ZEB2: variants seen among roughly 807,000 people sequenced by gnomAD.
ZEB2 encodes the protein zinc finger E-box binding homeobox 2.
In ZEB2, 6 loss-of-function variants were observed where a neutral mutation model predicts 99.9. That is an observed-to-expected ratio of 0.06 (90% CI 0.03 to 0.12). ZEB2 has a LOEUF of 0.12. ZEB2 is among the 10% of genes least tolerant of loss of function. The probability of loss-of-function intolerance (pLI) is 1.00; values close to 1 mark genes in which losing one functional copy is unlikely to be tolerated. For missense variants in ZEB2, 969 were observed against 1,502.8 expected (o/e 0.64, Z 5.87); for synonymous variants, 517 against 542.5 (o/e 0.95, Z 0.65).
chr2:144,484,206 T>TGTGTGTGTGTGTGTGTGTGA (rs1704562039), intron 2 of ZEB2, among the ~76,000 whole-genome samples: 1 of 152,002 alleles, frequency 6.6e-6, no homozygotes, highest in East Asian at 1.9e-4. Flanking sequence ...TGTGTGTGTG[T>TGTGTGTGTGTGTGTGTGTGA]GTGTGTGAAA....
intron 2 of ZEB2, among the ~76,000 whole-genome samples, chr2:144,476,860 G>A (rs1022100934): frequency 1.3e-5 from 2 of 152,118 alleles, no homozygotes; most frequent in African/African-American, 2.4e-5. Flanking sequence ...TGCTGATTTC[G>A]CACTGCCTTG....
rs1705237077 is a variant in ZEB2 at position 144,519,856 on chromosome 2, T to C, written c.-70+83A>G. Reference sequence around the variant, plus strand: ...TTCAGACTCACATCCCCACTCAAAATGAGAAAATTAGAAAAGGAGGATGGA... The same window carrying C: ...TTCAGACTCACATCCCCACTCAAAACGAGAAAATTAGAAAAGGAGGATGGA... On this transcript the variant is annotated intron_variant, in intron 1 of 9. Transcript: ENST00000627532. 47 of 373,962 alleles carry C rather than the reference T, an allele frequency of 1.3e-4. 1 individual carries two copies. The highest frequency in any genetic ancestry group is 9.7e-4 in the South Asian group (47 of 48,656). 23.2% of individuals were successfully genotyped at this position (373,962 alleles called of 1,614,324 possible).
At position 144,384,595 on chromosome 2, in the gene ZEB2, G is replaced by A. The variant is rs1227529632; in HGVS notation, c.*4856C>T. 6.7e-6 allele frequency: 1 copy of A among 148,758 alleles called. No individual in the cohort carries two copies. The highest frequency in any genetic ancestry group is 6.7e-5 in the Admixed American group (1 of 14,870). The allele number at this position is 148,758 out of a possible 1,614,324, so 9.2% of individuals were successfully genotyped here. On this transcript the variant is annotated 3_prime_UTR_variant, in exon 10 of 10. Coordinates refer to ENST00000627532, the MANE Select transcript of ZEB2 (RefSeq NM_014795.4). The stretch of plus-strand genomic sequence containing the variant: ...TTTAGTATTGACATTTTTATTTTGG[G>A]AAAGGAGGTCTTTTTTTTTTTTAAC...
At position 144,388,978 on chromosome 2, in the gene ZEB2, C is replaced by T. The variant is rs1703118172; in HGVS notation, c.*473G>A. The T allele has an allele frequency of 6.9e-6, 3 of 435,954 alleles. No individual in the cohort carries two copies. The highest frequency in any genetic ancestry group is 2.1e-5 in the African/African-American group (1 of 47,248). The allele number at this position is 435,954 out of a possible 1,614,324, so 27.0% of individuals were successfully genotyped here. On this transcript the variant is annotated 3_prime_UTR_variant, in exon 10 of 10. Transcript: ENST00000627532. The surrounding 1 kb of genome is among the most constrained non-coding windows in gnomAD (Gnocchi z 5.4). Reference sequence around the variant, plus strand: ...ATTGATGAATAGCGAAAGGAAAGTACAGAGGAATCATAATACTGATGCATT... The same window carrying T: ...ATTGATGAATAGCGAAAGGAAAGTATAGAGGAATCATAATACTGATGCATT...
intron 2 of ZEB2, among the ~76,000 whole-genome samples, chr2:144,457,040 T>G (rs7599224): frequency 0.48 from 72,451 of 151,972 alleles, 17,511 homozygotes; most frequent in South Asian, 0.6. Flanking sequence ...TCTGGCAAGA[T>G]AAATGCATAT....
intron 2 of ZEB2, among the ~76,000 whole-genome samples, chr2:144,475,331 C>T (rs1704415760): frequency 6.6e-6 from 1 of 152,176 alleles, no homozygotes; most frequent in Non-Finnish European, 1.5e-5. Flanking sequence ...ATGCAGCTCA[C>T]ATGTAACTGC....
At chr2:144,473,046 G>A (rs1704380676) in intron 2 of ZEB2, among the ~76,000 whole-genome samples, 1 of 152,206 alleles carries the variant, frequency 6.6e-6, no homozygotes, top group Non-Finnish European at 1.5e-5. Flanking sequence ...ATGTGAATGT[G>A]GTGGGAGAGG....
chr2:144,406,561 G>A (rs1161856997), intron 4 of ZEB2, among the ~76,000 whole-genome samples: 1 of 152,062 alleles, frequency 6.6e-6, no homozygotes, highest in African/African-American at 2.4e-5. Context: ...AACAAGCATG[G>A]GACATCTCAG....
intron 2 of ZEB2, among the ~76,000 whole-genome samples, chr2:144,434,263 A>G (rs1703809470): frequency 6.6e-6 from 1 of 152,182 alleles, no homozygotes; most frequent in African/African-American, 2.4e-5. Context: ...GTGCCAATAA[A>G]TCGTTCAATG....
rs1357941999 is a variant in ZEB2, at chr2:144,465,189, C to T, written c.74-35163G>A. The stretch of plus-strand genomic sequence containing the variant: ...GTGCTATTATACAACTCAATCATAA[C>T]TCTTTATATGTTGTAGTGTAACTGT... On this transcript the variant is annotated intron_variant, in intron 2 of 9. Coordinates refer to ENST00000627532, the MANE Select transcript of ZEB2 (RefSeq NM_014795.4). 4.6e-5 allele frequency among the ~76,000 whole-genome samples: 7 copies of T among 152,290 alleles called. No homozygotes were observed. In the South Asian group the frequency reaches 1.2e-3, roughly 27 times the overall value.
At chr2:144,396,795 T>C (rs566207620) in intron 8 of ZEB2, among the ~76,000 whole-genome samples, 1 of 152,332 alleles carries the variant, frequency 6.6e-6, no homozygotes, top group Admixed American at 6.5e-5. Flanking sequence ...TAAACTTCTC[T>C]GCCCTGGAAG....
chr2:144,397,026 T>C (rs546410811), intron 8 of ZEB2, among the ~76,000 whole-genome samples: 9 of 152,206 alleles, frequency 5.9e-5, no homozygotes, highest in Non-Finnish European at 1.3e-4. Context: ...CAAAATGTTA[T>C]TATTATGCAA....
rs1704950625 is a variant in ZEB2 at position 144,506,361 on chromosome 2, G to C, written c.73+10917C>G. Among the ~76,000 whole-genome samples, 6 of 152,184 alleles carry C rather than the reference G, an allele frequency of 3.9e-5. No homozygotes were observed. In the South Asian group the frequency reaches 1.2e-3, roughly 31 times the overall value. ...TCAAATTCCCATCAGCAGAGCAAAGGTGATGGGAAATCTTTAGAGGACAAC... is the reference window on the plus strand; with the variant it reads ...TCAAATTCCCATCAGCAGAGCAAAGCTGATGGGAAATCTTTAGAGGACAAC... On this transcript the variant is annotated intron_variant, in intron 2 of 9. Transcript: ENST00000627532.
chr2:144,500,392 AT>A (rs1463560548), intron 2 of ZEB2, among the ~76,000 whole-genome samples: 2 of 152,116 alleles, frequency 1.3e-5, no homozygotes, highest in Non-Finnish European at 2.9e-5. Flanking sequence ...TAACTGTACA[AT>A]TTTTTTCTAT....
intron 9 of ZEB2, 71 bp downstream of exon 9, chr2:144,396,341 G>T: frequency 1.3e-6 from 2 of 1,552,706 alleles, no homozygotes; most frequent in Non-Finnish European, 8.9e-7. Flanking sequence ...TTGCACAAGT[G>T]TGCTCATTAA....
In ZEB2 at chr2:144,389,691, C is replaced by T; in HGVS notation, c.3405G>A (p.Glu1135=). The change falls in exon 10 of 10, where the codon GAG becomes GAA. Residue 1135 remains glutamate, a synonymous_variant. Transcript: ENST00000627532. The surrounding 1 kb of genome is among the most constrained non-coding windows in gnomAD (Gnocchi z 6.8). ...EERESMPRDG[E]SEKEHEKEGE... is the part of the protein sequence containing the mutation. ...CTTCTTTCTCGTGCTCCTTCTCGCT[C>T]TCGCCATCCCTCGGCATACTCTCCC... The T allele has an allele frequency of 6.2e-7, 1 of 1,614,090 alleles. No individual in the cohort carries two copies. The highest frequency in any genetic ancestry group is 8.5e-7 in the Non-Finnish European group (1 of 1,179,978).
At chr2:144,498,341 G>C (rs1704819167) in intron 2 of ZEB2, among the ~76,000 whole-genome samples, 1 of 150,570 alleles carries the variant, frequency 6.6e-6, no homozygotes, top group Non-Finnish European at 1.5e-5. Context: ...CTCAGAACCA[G>C]TGCAGCCTGG....
rs546357510 is a variant in ZEB2 at position 144,417,886 on chromosome 2, A to C, written c.403+6910T>G. 2.6e-5 allele frequency among the ~76,000 whole-genome samples: 4 copies of C among 152,344 alleles called. No homozygotes were observed. The South Asian group carries it at 8.3e-4, about 32-fold the overall frequency. On this transcript the variant is annotated intron_variant, in intron 4 of 9. Transcript: ENST00000627532. ...GTTTAAGGAGATGGATATGCTAATC[A>C]CCTTGATTTGATCATTAATTTATAC...
rs780890592 is a variant in ZEB2 at position 144,429,921 on chromosome 2, G to A, written c.179C>T (p.Thr60Met). 31 of 1,613,642 alleles carry A rather than the reference G, an allele frequency of 1.9e-5. No individual in the cohort carries two copies. The Admixed American group carries it at 3.7e-4, about 19-fold the overall frequency. The change falls in exon 3 of 10, where the codon ACG (threonine) becomes ATG (methionine). Residue 60 changes from threonine to methionine, a missense_variant. This residue lies in a region of ZEB2 where 173 missense variants were observed against 217.7 expected (regional missense o/e 0.79). Coordinates refer to ENST00000627532, the MANE Select transcript of ZEB2 (RefSeq NM_014795.4). Reference protein sequence around the residue: ...DGIANPLDQETSPASVPNHES... With the variant: ...DGIANPLDQEMSPASVPNHES... ...ATGGTTGGGCACACTAGCTGGACTC[G>A]TCTCCTGGTCCAGAGGGTTGGCAAT... is the stretch of plus-strand genomic sequence containing the variant.
Sources: gnomAD v4.1 joint callset for allele counts (sites outside exome capture counted in the v4.1 genomes callset) on GRCh38, gnomAD v4.1.1 for gene constraint, gnomAD v4.1.1 regional missense constraint, Gnocchi (gnomAD v3.1) non-coding constraint, MANE v1.5 for transcripts, NCBI Gene and HGNC (gene_info 2026-07-23, HGNC 2026-07-21) for gene names.